The following MID1 variants were observed in gnomAD, a reference collection of about 807,000 sequenced individuals.
MID1 encodes the protein E3 ubiquitin-protein ligase Midline-1.
A neutral mutation model predicts 40.4 loss-of-function variants in MID1; 7 were observed. The observed-to-expected ratio is 0.17, with a 90% CI of 0.10 to 0.33. MID1 has a LOEUF of 0.33. Ranked by LOEUF, MID1 falls within the 10% of genes least tolerant of loss-of-function variation. MID1 has a pLI of 1.00. For synonymous variants in MID1, 229 were observed against 221.2 expected (o/e 1.04, Z -0.31); for missense variants, 367 against 558.5 (o/e 0.66, Z 3.46).
Position 10,482,469 on chromosome X carries a change from C to G in MID1, c.1013+11G>C. 8.3e-7 allele frequency: 1 copy of G among 1,209,051 alleles called. No individual in the cohort carries two copies. Among genetic ancestry groups the G allele is most frequent in the Non-Finnish European group, 1.1e-6 (1 of 894,516 alleles). Reference sequence around the variant, plus strand: ...AGCAGCCGAGAAATTCCCAGGGGCCCCTGCACTCACCTCTCGGTGATATTC... The same window carrying G: ...AGCAGCCGAGAAATTCCCAGGGGCCGCTGCACTCACCTCTCGGTGATATTC... On this transcript the variant is annotated intron_variant, in intron 5 of 9. Coordinates refer to ENST00000317552, the MANE Select transcript of MID1 (RefSeq NM_000381.4).
intron 1 of MID1, among the ~76,000 whole-genome samples, chrX:10,632,325 T>A (rs1456486998): frequency 8.9e-6 from 1 of 111,886 alleles, no homozygotes; most frequent in African/African-American, 3.3e-5. Context: ...CTCTCTGAGC[T>A]ACAGTTCCCT....
At chrX:10,658,590 G>A (rs2042891860) in intron 1 of MID1, among the ~76,000 whole-genome samples, 1 of 109,808 alleles carries the variant, frequency 9.1e-6, no homozygotes, top group Non-Finnish European at 1.9e-5. Flanking sequence ...AACTCAGGAG[G>A]ACGTGTTTTA....
chrX:10,544,555 A>T (rs2147415852), intron 2 of MID1, among the ~76,000 whole-genome samples: 1 of 112,592 alleles, frequency 8.9e-6, no homozygotes, highest in South Asian at 3.7e-4. Context: ...GCTTTTCAGA[A>T]GAAGGGAAAT....
intron 1 of MID1, among the ~76,000 whole-genome samples, chrX:10,789,790 TTCA>T (rs1352844223): frequency 9.0e-6 from 1 of 111,053 alleles, no homozygotes; most frequent in African/African-American, 3.3e-5. Context: ...GGGGAACGAG[TTCA>T]TCATTCTTCT....
chrX:10,507,484 T>C (rs776332089), intron 3 of MID1, among the ~76,000 whole-genome samples: 2 of 112,727 alleles, frequency 1.8e-5, no homozygotes, highest in East Asian at 5.6e-4. Context: ...GGCCACTTCG[T>C]GAAAAGCAGA....
At chrX:10,709,835 T>C (rs1298628154) in intron 1 of MID1, among the ~76,000 whole-genome samples, 1 of 111,875 alleles carries the variant, frequency 8.9e-6, no homozygotes, top group Non-Finnish European at 1.9e-5. Flanking sequence ...CCAGCTTTAA[T>C]TGCAATGACG....
chrX:10,590,242 T>C (rs111254028), intron 1 of MID1, among the ~76,000 whole-genome samples: 2,252 of 111,954 alleles, frequency 0.02, 69 homozygotes, highest in African/African-American at 0.07. Flanking sequence ...CGTCTGGTTC[T>C]TAGGCGCCGG....
intron 1 of MID1, among the ~76,000 whole-genome samples, chrX:10,733,522 T>C (rs1237975912): frequency 8.9e-6 from 1 of 111,938 alleles, no homozygotes; most frequent in Non-Finnish European, 1.9e-5. Flanking sequence ...AGGCAAGCTA[T>C]ACATTGAAAA....
intron 1 of MID1, among the ~76,000 whole-genome samples, chrX:10,686,151 A>C (rs2043096075): frequency 3.6e-5 from 4 of 111,250 alleles, no homozygotes; most frequent in Admixed American, 9.6e-5. Context: ...CACTATCATC[A>C]CCATGGCTCA....
At chrX:10,449,794 G>C in intron 9 of MID1, 78 bp from the exon 10 acceptor site, 1 of 741,384 alleles carries the variant, frequency 1.3e-6, no homozygotes, top group Non-Finnish European at 2.1e-6. Flanking sequence ...GTGGTCCTCA[G>C]GGGTTATAAA....
chrX:10,638,446 C>T (rs918432145), intron 1 of MID1, among the ~76,000 whole-genome samples: 3 of 111,812 alleles, frequency 2.7e-5, no homozygotes, highest in African/African-American at 9.8e-5. Context: ...AAGGTGGCAG[C>T]GAGGTGGAGG....
chrX:10,512,557 C>A (rs1444637094), intron 3 of MID1, among the ~76,000 whole-genome samples: 3 of 112,338 alleles, frequency 2.7e-5, no homozygotes, highest in African/African-American at 9.7e-5. Context: ...TGCATATCTA[C>A]ATAAGTCCTA....
chrX:10,588,791 G>A (rs1303500746), intron 1 of MID1, among the ~76,000 whole-genome samples: 1 of 110,813 alleles, frequency 9.0e-6, no homozygotes, highest in Non-Finnish European at 1.9e-5. Flanking sequence ...GTCTCTGTAC[G>A]GAAACTGGTC....
At chrX:10,729,043 G>C (rs1383696457) in intron 1 of MID1, among the ~76,000 whole-genome samples, 1 of 111,643 alleles carries the variant, frequency 9.0e-6, no homozygotes. Flanking sequence ...ACATTTGATA[G>C]GAACTTCTCA....
intron 3 of MID1, among the ~76,000 whole-genome samples, chrX:10,514,878 G>C (rs1413310274): frequency 1.8e-5 from 2 of 111,813 alleles, no homozygotes; most frequent in Non-Finnish European, 3.8e-5. Context: ...GTATGATGTG[G>C]TTTAATGAGG....
At chrX:10,624,615 T>C (rs959415497), upstream of MID1, among the ~76,000 whole-genome samples, 3 of 111,687 alleles carry the variant, frequency 2.7e-5, no homozygotes, top group African/African-American at 9.8e-5. Flanking sequence ...TTATTACTTT[T>C]TTAAAATTTT....
At chrX:10,486,034 C>T (rs1930596854) in intron 4 of MID1, among the ~76,000 whole-genome samples, 1 of 111,372 alleles carries the variant, frequency 9.0e-6, no homozygotes, top group African/African-American at 3.3e-5. Context: ...AACTTATCCC[C>T]GACTACTGAA....
At chrX:10,802,051 G>A (rs1219033167) in intron 1 of MID1, among the ~76,000 whole-genome samples, 3 of 110,610 alleles carry the variant, frequency 2.7e-5, no homozygotes, top group Non-Finnish European at 5.7e-5. Flanking sequence ...GCATGGTGGT[G>A]CACGCCTGTA....
chrX:10,470,747 G>T, intron 6 of MID1, among the ~76,000 whole-genome samples: 1 of 112,246 alleles, frequency 8.9e-6, no homozygotes, highest in East Asian at 2.8e-4. Flanking sequence ...GAGCAGAGAA[G>T]TCTAAGTCCT....
Sources: gnomAD v4.1 joint callset for allele counts (sites outside exome capture counted in the v4.1 genomes callset) on GRCh38, gnomAD v4.1.1 for gene constraint, MANE v1.5 for transcripts, NCBI Gene and HGNC (gene_info 2026-07-23, HGNC 2026-07-21) for gene names.